PLEKHA7: variants seen among roughly 807,000 people sequenced by gnomAD.
PLEKHA7 encodes pleckstrin homology domain containing A7.
In PLEKHA7, 104 loss-of-function variants were observed where a neutral mutation model predicts 170.0. The ratio of observed to expected loss-of-function variants is 0.61; its 90% CI spans 0.52 to 0.72. The LOEUF (loss-of-function observed/expected upper bound fraction) is 0.72. Among genes scored for constraint, PLEKHA7 ranks in the 30% least tolerant of loss-of-function variants. The pLI is 0.00. For synonymous variants in PLEKHA7, 648 were observed against 660.8 expected (o/e 0.98, Z 0.30); for missense variants, 1,615 against 1,671.7 (o/e 0.97, Z 0.59).
At chr11:16,867,250 T>C (rs572563643) in intron 4 of PLEKHA7, among the ~76,000 whole-genome samples, 30 of 152,314 alleles carry the variant, frequency 2.0e-4, no homozygotes, top group Non-Finnish European at 3.2e-4. Flanking sequence ...GGCCTACCTC[T>C]AGAGTCTCTG....
chr11:16,958,367 G>A (rs1327439195), intron 3 of PLEKHA7, among the ~76,000 whole-genome samples: 2 of 151,016 alleles, frequency 1.3e-5, no homozygotes, highest in Non-Finnish European at 2.9e-5. Flanking sequence ...GGAAAACTTT[G>A]TATCATAATG....
intron 9 of PLEKHA7, among the ~76,000 whole-genome samples, chr11:16,829,193 T>C (rs1850906386): frequency 6.6e-6 from 1 of 150,782 alleles, no homozygotes; most frequent in South Asian, 2.1e-4. Flanking sequence ...AAAAAAAAAA[T>C]CTGTAGAGAC....
intron 3 of PLEKHA7, among the ~76,000 whole-genome samples, chr11:16,908,501 CT>C (rs4030729): frequency 1.7e-4 from 24 of 145,074 alleles, no homozygotes; most frequent in Non-Finnish European, 1.8e-4. Context: ...ATTTTTTTTT[CT>C]TTTTTTTTTT....
chr11:16,829,077 C>G (rs767156522), intron 9 of PLEKHA7, among the ~76,000 whole-genome samples: 1 of 151,696 alleles, frequency 6.6e-6, no homozygotes, highest in African/African-American at 2.4e-5. Flanking sequence ...GATCACGGCT[C>G]ACTGCAGCCT....
intron 3 of PLEKHA7, among the ~76,000 whole-genome samples, chr11:16,909,831 G>C (rs981203239): frequency 3.3e-5 from 5 of 152,190 alleles, no homozygotes; most frequent in African/African-American, 1.2e-4. Context: ...CTGGCAATGA[G>C]GGAAAATAAA....
intron 3 of PLEKHA7, among the ~76,000 whole-genome samples, chr11:16,909,011 G>C (rs1435152319): frequency 2.6e-5 from 4 of 152,144 alleles, no homozygotes; most frequent in Non-Finnish European, 4.4e-5. Flanking sequence ...TTGAATCTCA[G>C]TTCTCCCCCC....
At chr11:16,920,266 A>G (rs910538913) in intron 3 of PLEKHA7, among the ~76,000 whole-genome samples, 3 of 152,232 alleles carry the variant, frequency 2.0e-5, no homozygotes, top group African/African-American at 7.2e-5. Flanking sequence ...TTTCCCCTAC[A>G]GTGCCTAGCA....
At chr11:16,844,138 C>G (rs1440467598) in intron 8 of PLEKHA7, among the ~76,000 whole-genome samples, 3 of 152,046 alleles carry the variant, frequency 2.0e-5, no homozygotes, top group Admixed American at 2.0e-4. Flanking sequence ...AGGGAGCCCT[C>G]CAAGGTACAA....
rs1350147370 is a variant in PLEKHA7 at position 16,794,470 on chromosome 11, C to A, written c.2745+18G>T. 1.2e-5 allele frequency: 19 copies of A among 1,595,180 alleles called. No individual in the cohort carries two copies. The highest frequency in any genetic ancestry group is 1.6e-5 in the Non-Finnish European group (19 of 1,163,360). ...GAGAGGAAACAATGGCATTCAGCTC[C>A]TAGTTATCACTACTTACAACTTTGG... is the stretch of plus-strand genomic sequence containing the variant. On this transcript the variant is annotated intron_variant, in intron 19 of 26. Coordinates refer to ENST00000531066, the MANE Select transcript of PLEKHA7 (RefSeq NM_001329630.2).
intron 13 of PLEKHA7, among the ~76,000 whole-genome samples, chr11:16,811,011 T>C (rs1849332996): frequency 6.6e-6 from 1 of 152,212 alleles, no homozygotes; most frequent in Admixed American, 6.5e-5. Context: ...TGGCACACAT[T>C]ATAACCCCCT....
chr11:16,869,006 C>T (rs1590399647), intron 4 of PLEKHA7, among the ~76,000 whole-genome samples: 1 of 152,210 alleles, frequency 6.6e-6, no homozygotes, highest in African/African-American at 2.4e-5. Flanking sequence ...TCCATCCAGA[C>T]TTAATAACAA....
chr11:16,845,483 C>T (rs1201172120), intron 8 of PLEKHA7, among the ~76,000 whole-genome samples: 1 of 152,180 alleles, frequency 6.6e-6, no homozygotes, highest in Non-Finnish European at 1.5e-5. Context: ...CCTCCCACCC[C>T]AGCCTCCTGA....
intron 3 of PLEKHA7, among the ~76,000 whole-genome samples, chr11:17,011,443 G>A (rs551307243): frequency 1.3e-5 from 2 of 152,078 alleles, no homozygotes; most frequent in Non-Finnish European, 2.9e-5. Context: ...TCCAATTACC[G>A]GCTAATGTCT....
chr11:16,799,009 A>C (rs928190767), intron 17 of PLEKHA7, among the ~76,000 whole-genome samples: 1 of 152,236 alleles, frequency 6.6e-6, no homozygotes, highest in Non-Finnish European at 1.5e-5. Context: ...GCGCTGCCCA[A>C]TACACCTTTC....
In PLEKHA7 at chr11:16,978,733, T is replaced by A. The variant is rs1191441829; in HGVS notation, c.221+35256A>T. Among the ~76,000 whole-genome samples, 4 of 152,324 alleles carry A rather than the reference T, an allele frequency of 2.6e-5. No homozygotes were observed. The East Asian group carries it at 7.7e-4, about 29-fold the overall frequency. On this transcript the variant is annotated intron_variant, in intron 3 of 26. Transcript: ENST00000531066. ...TTTGCAACTTGTCTACTTACTACCCTGGAAGGACGGAGTCACCATAGTGAT... is the reference window on the plus strand; with the variant it reads ...TTTGCAACTTGTCTACTTACTACCCAGGAAGGACGGAGTCACCATAGTGAT...
At chr11:16,795,925 G>T (rs1233194120) in intron 17 of PLEKHA7, among the ~76,000 whole-genome samples, 2 of 123,450 alleles carry the variant, frequency 1.6e-5, no homozygotes, top group East Asian at 5.5e-4. Flanking sequence ...GCGCCATCTC[G>T]GCTCACTGCA....
At chr11:17,013,250 A>G (rs995744251) in intron 3 of PLEKHA7, 3 of 152,382 alleles carry the variant, frequency 2.0e-5, no homozygotes, top group African/African-American at 7.2e-5. Context: ...ACTGCGCCCC[A>G]ATCTGACATG....
chr11:16,789,095 C>A lies in PLEKHA7; in HGVS notation c.3357+1G>T. ...CCGCTGCCTGGCCCCTCCTAACATA[C>A]TGAGCCAAGATCTCCAGGGAGCGGC... On this transcript the variant is annotated splice_donor_variant, in intron 23 of 26. Coordinates refer to ENST00000531066, the MANE Select transcript of PLEKHA7 (RefSeq NM_001329630.2). LOFTEE classifies it high-confidence loss of function. The surrounding 1 kb of genome is among the most constrained non-coding windows in gnomAD (Gnocchi z 4.6). The A allele has an allele frequency of 1.2e-6, 2 of 1,601,922 alleles. No homozygotes were observed. The highest frequency in any genetic ancestry group is 8.5e-7 in the Non-Finnish European group (1 of 1,179,890).
intron 13 of PLEKHA7, among the ~76,000 whole-genome samples, chr11:16,805,077 G>A (rs1848862588): frequency 6.6e-6 from 1 of 152,302 alleles, no homozygotes; most frequent in South Asian, 2.1e-4. Flanking sequence ...GAACAAGGAG[G>A]TTGTCTATTC....
Sources: gnomAD v4.1 joint callset for allele counts (sites outside exome capture counted in the v4.1 genomes callset) on GRCh38, gnomAD v4.1.1 for gene constraint, Gnocchi (gnomAD v3.1) non-coding constraint, MANE v1.5 for transcripts, NCBI Gene and HGNC (gene_info 2026-07-23, HGNC 2026-07-21) for gene names.